Variants in TTLL13 observed in about 807,000 individuals in gnomAD.
TTLL13 encodes the protein tubulin tyrosine ligase like 13.
At chr15:90,252,230 T>A in the TTLL13 span, among the ~76,000 whole-genome samples, 1 of 151,886 alleles carries the variant, frequency 6.6e-6, no homozygotes, top group Non-Finnish European at 1.5e-5. Context: ...GTAGACAGAG[T>A]TTCTCCATGT....
chr15:90,250,910 C>T, the TTLL13 span: 2 of 1,609,758 alleles, frequency 1.2e-6, no homozygotes, highest in Admixed American at 1.7e-5. Context: ...TAGATCCCCT[C>T]AACTGCCCAG....
chr15:90,262,231 G>T, the TTLL13 span: 1 of 1,476,740 alleles, frequency 6.8e-7, no homozygotes, highest in Non-Finnish European at 9.0e-7. Context: ...CCTAGGTGGG[G>T]ACAAGTCCTG....
At chr15:90,253,406 G>C in the TTLL13 span, 4 of 1,504,018 alleles carry the variant, frequency 2.7e-6, no homozygotes, top group South Asian at 4.8e-5. Flanking sequence ...AGGGGCTAGG[G>C]CCCCAGAATG....
the TTLL13 span, chr15:90,258,389 G>T: frequency 3.4e-6 from 3 of 883,500 alleles, no homozygotes; most frequent in East Asian, 7.2e-5. Flanking sequence ...AAAGCCCTGG[G>T]GTGGGCAGGA....
the TTLL13 span, chr15:90,264,827 GCATCTGACT>G: frequency 1.3e-6 from 2 of 1,535,826 alleles, no homozygotes; most frequent in Admixed American, 3.9e-5. Context: ...GGAAAGAGTG[GCATCTGACT>G]CATGGACTGA....
chr15:90,257,241 T>G, the TTLL13 span: 1 of 1,612,760 alleles, frequency 6.2e-7, no homozygotes, highest in Non-Finnish European at 8.5e-7. Flanking sequence ...CTAGCCCGTT[T>G]TGCCACCACG....
chr15:90,263,535 TG>T, the TTLL13 span: 2 of 551,782 alleles, frequency 3.6e-6, no homozygotes, highest in African/African-American at 3.7e-5. Flanking sequence ...TAAACAGATT[TG>T]GGCCAACAAA....
At chr15:90,263,092 AC>A in the TTLL13 span, 3 of 1,535,996 alleles carry the variant, frequency 2.0e-6, no homozygotes, top group East Asian at 2.4e-5. Flanking sequence ...AGAGCAGCTC[AC>A]CCGTCTGCAG....
At chr15:90,257,268 G>A in the TTLL13 span, 2 of 1,612,070 alleles carry the variant, frequency 1.2e-6, no homozygotes, top group Non-Finnish European at 1.7e-6. Context: ...ATGGAGCCCA[G>A]CCATAACAAC....
At chr15:90,257,546 C>T in the TTLL13 span, 9 of 1,221,548 alleles carry the variant, frequency 7.4e-6, no homozygotes, top group South Asian at 5.4e-5. Flanking sequence ...GAGAGATCCT[C>T]GGGAGGGGTG....
the TTLL13 span, among the ~76,000 whole-genome samples, chr15:90,260,711 C>T: frequency 6.6e-5 from 10 of 151,500 alleles, no homozygotes; most frequent in South Asian, 6.3e-4. Context: ...ATTAGCTGGG[C>T]GTGGTGGTGC....
At chr15:90,253,977 G>A in the TTLL13 span, among the ~76,000 whole-genome samples, 2 of 152,214 alleles carry the variant, frequency 1.3e-5, no homozygotes, top group Non-Finnish European at 2.9e-5. Flanking sequence ...CTTGGGAGAG[G>A]TGCCCAAGAG....
At chr15:90,253,721 T>G in the TTLL13 span, among the ~76,000 whole-genome samples, 180 of 152,306 alleles carry the variant, frequency 1.2e-3, no homozygotes, top group Admixed American at 5.3e-3. Context: ...TGATCCAGCC[T>G]TCTAAGCAAC....
At chr15:90,250,817 AAG>A in the TTLL13 span, 292 of 1,614,068 alleles carry the variant, frequency 1.8e-4, no homozygotes, top group Middle Eastern at 4.9e-4. Flanking sequence ...AAAAATTCCG[AAG>A]AAAGTCATAG....
chr15:90,254,892 A>G, the TTLL13 span, among the ~76,000 whole-genome samples: 1 of 152,176 alleles, frequency 6.6e-6, no homozygotes, highest in East Asian at 1.9e-4. Context: ...AATCAGCAGC[A>G]TTTACTGAGG....
At chr15:90,260,660 G>T in the TTLL13 span, among the ~76,000 whole-genome samples, 3 of 152,010 alleles carry the variant, frequency 2.0e-5, no homozygotes, top group Non-Finnish European at 4.4e-5. Flanking sequence ...AGACCATCCT[G>T]GCCAACATGG....
the TTLL13 span, chr15:90,265,396 G>A: frequency 1.6e-6 from 2 of 1,254,904 alleles, no homozygotes; most frequent in Non-Finnish European, 2.0e-6. Flanking sequence ...GGCGGAGACA[G>A]GCAGGCCTGG....
At chr15:90,250,875 G>A in the TTLL13 span, 3 of 1,613,686 alleles carry the variant, frequency 1.9e-6, no homozygotes, top group African/African-American at 4.0e-5. Context: ...AGGAAGAGAA[G>A]GCGGAAACGC....
the TTLL13 span, among the ~76,000 whole-genome samples, chr15:90,253,630 T>C: frequency 2.0e-5 from 3 of 152,188 alleles, no homozygotes; most frequent in Admixed American, 2.0e-4. Context: ...TGTGTGTAGC[T>C]GGCCCTCTCC....
Sources: allele counts gnomAD v4.1 joint callset (sites outside exome capture counted in the v4.1 genomes callset), GRCh38; gene constraint gnomAD v4.1.1; transcripts MANE v1.5; gene names NCBI Gene and HGNC (gene_info 2026-07-23, HGNC 2026-07-21).